LMBR1: variants seen among roughly 807,000 people sequenced by gnomAD.
LMBR1 encodes limb region 1 protein homolog.
In LMBR1, 52 loss-of-function variants were observed where a neutral mutation model predicts 73.9. That is an observed-to-expected ratio of 0.70 (90% CI 0.56 to 0.89). The LOEUF (loss-of-function observed/expected upper bound fraction) is 0.89. Ranked by LOEUF, LMBR1 falls within the 40% of genes least tolerant of loss-of-function variation. The probability of loss-of-function intolerance (pLI) is 0.00; values close to 1 mark genes in which losing one functional copy is unlikely to be tolerated. For missense variants in LMBR1, 539 were observed against 579.8 expected (o/e 0.93, Z 0.72); for synonymous variants, 215 against 209.4 (o/e 1.03, Z -0.23).
Position 156,678,999 on chromosome 7 carries a change from T to C in LMBR1, c.*5079A>G, listed in dbSNP as rs531660953. Reference sequence around the variant, plus strand: ...TCATGAATCTTTATCAACCAGATAATAGAACTGTAAGGTACATGAATGAAC... The same window carrying C: ...TCATGAATCTTTATCAACCAGATAACAGAACTGTAAGGTACATGAATGAAC... On this transcript the variant is annotated 3_prime_UTR_variant, in exon 17 of 17. Coordinates refer to ENST00000353442, the MANE Select transcript of LMBR1 (RefSeq NM_022458.4). 4 of 152,210 alleles carry C rather than the reference T, an allele frequency of 2.6e-5. No individual in the cohort carries two copies. The highest frequency in any genetic ancestry group is 1.9e-4 in the East Asian group (1 of 5,182). The allele number at this position is 152,210 out of a possible 1,614,324, so 9.4% of individuals were successfully genotyped here.
intron 9 of LMBR1, among the ~76,000 whole-genome samples, chr7:156,741,099 G>GT (rs1818810863): frequency 6.6e-6 from 1 of 152,086 alleles, no homozygotes. Flanking sequence ...TAAAATATGG[G>GT]TTATAGGATA....
chr7:156,762,859 G>GTGTT (rs1823355016), intron 7 of LMBR1, among the ~76,000 whole-genome samples: 1 of 151,980 alleles, frequency 6.6e-6, no homozygotes, highest in Non-Finnish European at 1.5e-5. Context: ...GTGTGTGTGT[G>GTGTT]TGTGTGTGTG....
At chr7:156,737,038 G>A (rs952255701) in intron 9 of LMBR1, among the ~76,000 whole-genome samples, 11 of 152,020 alleles carry the variant, frequency 7.2e-5, no homozygotes, top group African/African-American at 1.2e-4. Context: ...GCCTGCCCGC[G>A]TCTCCTGTGG....
At chr7:156,672,283 G>T (rs1802710147) in intron 4 of LMBR1, among the ~76,000 whole-genome samples, 1 of 152,222 alleles carries the variant, frequency 6.6e-6, no homozygotes, top group Middle Eastern at 3.4e-3. Flanking sequence ...GGGTTTAAAG[G>T]CAGGGTGTGA....
At chr7:156,781,299 A>G (rs1294189816) in intron 5 of LMBR1, among the ~76,000 whole-genome samples, 1 of 152,144 alleles carries the variant, frequency 6.6e-6, no homozygotes, top group Non-Finnish European at 1.5e-5. Flanking sequence ...AAATTCCAAA[A>G]CACCACAGAA....
intron 5 of LMBR1, among the ~76,000 whole-genome samples, chr7:156,787,861 C>T (rs1022562944): frequency 6.6e-6 from 1 of 152,224 alleles, no homozygotes; most frequent in Admixed American, 6.5e-5. Context: ...ACTGCAACCT[C>T]CACCTCCCAG....
rs1804987532 is a variant in LMBR1, at chr7:156,681,298, A to AG, written c.*2779dup. 1 of 385,718 alleles carries AG rather than the reference A, an allele frequency of 2.6e-6. No homozygotes were observed. Among genetic ancestry groups the AG allele is most frequent in the African/African-American group, 2.1e-5 (1 of 46,596 alleles). The allele number at this position is 385,718 out of a possible 1,614,324, so 23.9% of individuals were successfully genotyped here. Reference sequence around the variant, plus strand: ...CACGTGCGCCTTTAACACATCTGAGAGCAAAACGCGAGAGGCTCCGTCCAT... The same window carrying AG: ...CACGTGCGCCTTTAACACATCTGAGAGGCAAAACGCGAGAGGCTCCGTCCAT... On this transcript the variant is annotated 3_prime_UTR_variant, in exon 17 of 17. Coordinates refer to ENST00000353442, the MANE Select transcript of LMBR1 (RefSeq NM_022458.4).
intron 1 of LMBR1, among the ~76,000 whole-genome samples, chr7:156,889,434 T>C (rs1014880313): frequency 2.6e-5 from 4 of 152,162 alleles, no homozygotes; most frequent in South Asian, 2.1e-4. Flanking sequence ...TCAGAAAGAA[T>C]TGAATAATTT....
chr7:156,784,429 G>A (rs1455118469), intron 5 of LMBR1, among the ~76,000 whole-genome samples: 1 of 152,104 alleles, frequency 6.6e-6, no homozygotes, highest in Non-Finnish European at 1.5e-5. Context: ...GGACCTTTAT[G>A]AGCATTAACA....
intron 5 of LMBR1, among the ~76,000 whole-genome samples, chr7:156,790,871 C>G (rs768644173): frequency 3.3e-5 from 5 of 152,284 alleles, no homozygotes; most frequent in Non-Finnish European, 7.4e-5. Context: ...TTTGATGTTT[C>G]AAATGCTCAC....
chr7:156,697,541 C>T (rs560113013), intron 15 of LMBR1, among the ~76,000 whole-genome samples: 292 of 152,266 alleles, frequency 1.9e-3, no homozygotes, highest in African/African-American at 6.3e-3. Flanking sequence ...GACCTCCCCC[C>T]AGGAATGCAT....
intron 1 of LMBR1, among the ~76,000 whole-genome samples, chr7:156,874,286 G>A (rs188962478): frequency 0.029 from 4,437 of 152,354 alleles, 99 homozygotes; most frequent in South Asian, 0.084. Context: ...AGGGCCGGCT[G>A]GCTGCTCCGA....
At chr7:156,812,418 G>C (rs73166167) in intron 4 of LMBR1, among the ~76,000 whole-genome samples, 7,573 of 152,220 alleles carry the variant, frequency 0.05, 278 homozygotes, top group East Asian at 0.14. Flanking sequence ...CAGCAGAAGG[G>C]AAGTCAGAGA....
chr7:156,820,547 C>T (rs2133747777), intron 4 of LMBR1, among the ~76,000 whole-genome samples: 1 of 152,196 alleles, frequency 6.6e-6, no homozygotes, highest in South Asian at 2.1e-4. Context: ...ATAAATCTGA[C>T]AAAAATTTAG....
chr7:156,796,279 G>T (rs190964504), intron 5 of LMBR1, 110 bp downstream of exon 5: 7 of 666,562 alleles, frequency 1.1e-5, no homozygotes, highest in Admixed American at 3.2e-5. Flanking sequence ...TATTTACTAC[G>T]CATTTTTTAT....
chr7:156,881,672 G>C (rs574699597), intron 1 of LMBR1, among the ~76,000 whole-genome samples: 2 of 152,214 alleles, frequency 1.3e-5, no homozygotes, highest in South Asian at 4.1e-4. Flanking sequence ...CTAAGGACTT[G>C]AATAAAGCAT....
intron 10 of LMBR1, among the ~76,000 whole-genome samples, chr7:156,733,352 G>A (rs1817229577): frequency 6.6e-6 from 1 of 152,140 alleles, no homozygotes; most frequent in South Asian, 2.1e-4. Flanking sequence ...AATGTTAGAA[G>A]TAGCAGACAA....
At chr7:156,692,398 T>C (rs1807402591) in intron 15 of LMBR1, among the ~76,000 whole-genome samples, 2 of 152,336 alleles carry the variant, frequency 1.3e-5, no homozygotes, top group East Asian at 3.9e-4. Context: ...TTCACCAGTC[T>C]TACTGTGCAA....
chr7:156,711,030 G>T (rs908650928), intron 15 of LMBR1, among the ~76,000 whole-genome samples: 2 of 152,182 alleles, frequency 1.3e-5, no homozygotes, highest in Non-Finnish European at 2.9e-5. Context: ...TAAACTACAG[G>T]CTGGATACAG....
Sources: gnomAD v4.1 joint callset for allele counts (sites outside exome capture counted in the v4.1 genomes callset) on GRCh38, gnomAD v4.1.1 for gene constraint, MANE v1.5 for transcripts, NCBI Gene and HGNC (gene_info 2026-07-23, HGNC 2026-07-21) for gene names.